Variants in FNDC3A observed in about 807,000 individuals in gnomAD.
FNDC3A encodes fibronectin type III domain containing 3A.
FNDC3A carries 32 observed loss-of-function variants against 148.9 expected under a neutral mutation model. That is an observed-to-expected ratio of 0.21 (90% CI 0.16 to 0.29). The LOEUF is 0.29. Ranked by LOEUF, FNDC3A falls within the 10% of genes least tolerant of loss-of-function variation. FNDC3A has a pLI of 1.00. For synonymous variants in FNDC3A, 472 were observed against 473.6 expected (o/e 1.00, Z 0.04); for missense variants, 1,191 against 1,452.8 (o/e 0.82, Z 2.93).
chr13:49,149,366 G>T (rs563728385), intron 8 of FNDC3A, among the ~76,000 whole-genome samples: 3 of 151,992 alleles, frequency 2.0e-5, no homozygotes, highest in African/African-American at 7.2e-5. Context: ...TTATGTTGAG[G>T]TATGTCCCTT....
chr13:48,981,829 GC>G (rs1951698606), intron 1 of FNDC3A, among the ~76,000 whole-genome samples: 1 of 1,684 alleles, frequency 5.9e-4, no homozygotes, highest in Admixed American at 0.011. Context: ...TATCAGAAAT[GC>G]TGGGGGAAAA....
chr13:49,034,033 T>C (rs1377844110), intron 2 of FNDC3A, among the ~76,000 whole-genome samples: 1 of 151,996 alleles, frequency 6.6e-6, no homozygotes, highest in Non-Finnish European at 1.5e-5. Flanking sequence ...TTATTTTAGC[T>C]TATAACTTAT....
At chr13:49,012,800 T>G (rs1009845303) in intron 2 of FNDC3A, among the ~76,000 whole-genome samples, 1 of 134,192 alleles carries the variant, frequency 7.5e-6, no homozygotes, top group Non-Finnish European at 1.6e-5. Flanking sequence ...TATATGCAAT[T>G]ATAAATGTGT....
chr13:49,199,254 C>T (rs546456833), intron 23 of FNDC3A, among the ~76,000 whole-genome samples: 1 of 151,930 alleles, frequency 6.6e-6, no homozygotes, highest in East Asian at 1.9e-4. Flanking sequence ...CTCCTGGGCT[C>T]AAGTGGTCCT....
chr13:49,047,001 TC>T lies in FNDC3A; in HGVS notation c.100-28282del, dbSNP rs1875467062. ...AATGTGTAGTCTTTTATCCCTCACC[TC>T]CCCCCATCCAGTCCCCTGAGTCCCC... is the stretch of plus-strand genomic sequence containing the variant. On this transcript the variant is annotated intron_variant, in intron 2 of 25. Transcript: ENST00000492622. Among the ~76,000 whole-genome samples, 7 of 151,844 alleles carry T rather than the reference TC, an allele frequency of 4.6e-5. No individual in the cohort carries two copies. In the South Asian group the frequency reaches 1.0e-3, roughly 23 times the overall value.
intron 2 of FNDC3A, among the ~76,000 whole-genome samples, chr13:49,072,052 G>A (rs949898732): frequency 6.6e-6 from 1 of 152,000 alleles, no homozygotes; most frequent in African/African-American, 2.4e-5. Context: ...TGCTTTTGTT[G>A]CCTGTGCTTT....
chr13:49,029,753 A>G (rs1873973581), intron 2 of FNDC3A, among the ~76,000 whole-genome samples: 1 of 152,180 alleles, frequency 6.6e-6, no homozygotes, highest in African/African-American at 2.4e-5. Flanking sequence ...GACTAAAATC[A>G]AGAATGATCA....
At chr13:49,148,939 C>T (rs1054789429) in intron 8 of FNDC3A, among the ~76,000 whole-genome samples, 11 of 151,880 alleles carry the variant, frequency 7.2e-5, no homozygotes, top group Non-Finnish European at 1.2e-4. Flanking sequence ...TAGATTTATT[C>T]TTAGGGTGTT....
intron 1 of FNDC3A, among the ~76,000 whole-genome samples, chr13:48,999,607 C>T (rs1028914249): frequency 6.6e-6 from 1 of 151,840 alleles, no homozygotes; most frequent in Non-Finnish European, 1.5e-5. Context: ...GGTCAGGGGC[C>T]GAATATTATA....
In FNDC3A at chr13:49,106,593, G is replaced by A. The variant is rs1412402023; in HGVS notation, c.176-8062G>A. Among the ~76,000 whole-genome samples the A allele has an allele frequency of 5.9e-5, 9 of 152,306 alleles. No homozygotes were observed. In the South Asian group the frequency reaches 1.4e-3, roughly 25 times the overall value. On this transcript the variant is annotated intron_variant, in intron 3 of 25. Transcript: ENST00000492622. ...CCCAAAGTGCCGGCATTACAGGCGC[G>A]AAGCAGCACACCCAGCCTCTCTTTT...
intron 2 of FNDC3A, among the ~76,000 whole-genome samples, chr13:49,045,176 T>C (rs2137696837): frequency 6.6e-6 from 1 of 150,838 alleles, no homozygotes; most frequent in African/African-American, 2.4e-5. Context: ...TCTTTTTTAA[T>C]GGAATCTCAC....
chr13:49,064,169 C>T (rs758441102), intron 2 of FNDC3A, among the ~76,000 whole-genome samples: 10 of 151,956 alleles, frequency 6.6e-5, no homozygotes, highest in Non-Finnish European at 1.3e-4. Flanking sequence ...GGTGAAACCC[C>T]GTCTTTACTA....
chr13:49,019,227 C>T (rs182441040), intron 2 of FNDC3A, among the ~76,000 whole-genome samples: 35 of 152,356 alleles, frequency 2.3e-4, no homozygotes, highest in African/African-American at 6.7e-4. Context: ...AGTTTGATCT[C>T]AGACTGCTGT....
At chr13:49,057,847 C>G (rs562493773) in intron 2 of FNDC3A, among the ~76,000 whole-genome samples, 1 of 152,226 alleles carries the variant, frequency 6.6e-6, no homozygotes, top group South Asian at 2.1e-4. Context: ...GCAGTTCTCT[C>G]CATTCTCTGC....
At chr13:48,996,745 A>C (rs1339398366) in intron 1 of FNDC3A, among the ~76,000 whole-genome samples, 1 of 152,140 alleles carries the variant, frequency 6.6e-6, no homozygotes, top group Non-Finnish European at 1.5e-5. Flanking sequence ...TGAATTGGAC[A>C]CATCAAAAAA....
intron 3 of FNDC3A, among the ~76,000 whole-genome samples, chr13:49,076,102 T>C (rs985079953): frequency 6.6e-6 from 1 of 151,890 alleles, no homozygotes; most frequent in African/African-American, 2.4e-5. Flanking sequence ...TTGGCTCCAG[T>C]TGAGAACCAT....
At chr13:49,205,950 C>T (rs560708405) in intron 25 of FNDC3A, among the ~76,000 whole-genome samples, 10 of 152,166 alleles carry the variant, frequency 6.6e-5, no homozygotes, top group Non-Finnish European at 1.5e-4. Flanking sequence ...TTTAGATTTA[C>T]ATCACAGGTA....
chr13:48,989,569 A>G (rs1951871614), intron 1 of FNDC3A, among the ~76,000 whole-genome samples: 1 of 152,246 alleles, frequency 6.6e-6, no homozygotes, highest in Admixed American at 6.5e-5. Flanking sequence ...ATACAGCAAT[A>G]GAAACTATCC....
intron 1 of FNDC3A, among the ~76,000 whole-genome samples, chr13:48,990,165 A>T (rs1951886049): frequency 6.6e-6 from 1 of 152,060 alleles, no homozygotes; most frequent in African/African-American, 2.4e-5. Flanking sequence ...TCTTTAAAAC[A>T]TTTTTTTGCA....
Sources: gnomAD v4.1 joint callset for allele counts (sites outside exome capture counted in the v4.1 genomes callset) on GRCh38, gnomAD v4.1.1 for gene constraint, MANE v1.5 for transcripts, NCBI Gene and HGNC (gene_info 2026-07-23, HGNC 2026-07-21) for gene names.